EHBP1: variants seen among roughly 807,000 people sequenced by gnomAD.
The protein encoded by EHBP1 is EH domain-binding protein 1.
In EHBP1, 55 loss-of-function variants were observed where a neutral mutation model predicts 144.0. The observed-to-expected ratio is 0.38, with a 90% CI of 0.31 to 0.48. The LOEUF (loss-of-function observed/expected upper bound fraction) is 0.48. Ranked by LOEUF, EHBP1 falls within the 20% of genes least tolerant of loss-of-function variation. The pLI is 0.98. For missense variants in EHBP1, 1,200 were observed against 1,364.2 expected (o/e 0.88, Z 1.90); for synonymous variants, 469 against 472.7 (o/e 0.99, Z 0.10).
At chr2:62,709,517 T>C (rs1031529332) in intron 2 of EHBP1, among the ~76,000 whole-genome samples, 2 of 152,200 alleles carry the variant, frequency 1.3e-5, no homozygotes, top group African/African-American at 4.8e-5. Flanking sequence ...TCCTGGAATT[T>C]TATTTCCCTA....
chr2:62,714,897 T>C (rs1375485986), intron 2 of EHBP1, among the ~76,000 whole-genome samples: 1 of 152,178 alleles, frequency 6.6e-6, no homozygotes, highest in Non-Finnish European at 1.5e-5. Context: ...ACTTTGACTT[T>C]TGGGGAGAGG....
At chr2:62,708,915 C>T (rs1019425819) in intron 2 of EHBP1, among the ~76,000 whole-genome samples, 1 of 151,606 alleles carries the variant, frequency 6.6e-6, no homozygotes, top group Non-Finnish European at 1.5e-5. Flanking sequence ...GGGGGGCATG[C>T]AGTGAGATAT....
At chr2:62,756,710 A>T (rs545394198) in intron 3 of EHBP1, among the ~76,000 whole-genome samples, 76 of 151,024 alleles carry the variant, frequency 5.0e-4, no homozygotes, top group Non-Finnish European at 8.1e-4. Context: ...GGAGGTTGCA[A>T]TGAGCTGAGA....
chr2:62,754,630 TG>T (rs1435805591), intron 3 of EHBP1, among the ~76,000 whole-genome samples: 1 of 152,192 alleles, frequency 6.6e-6, no homozygotes, highest in Non-Finnish European at 1.5e-5. Context: ...TGAGCTGCGG[TG>T]GGCTCCACCC....
At chr2:62,790,139 C>G (rs1302504406) in intron 5 of EHBP1, among the ~76,000 whole-genome samples, 1 of 152,182 alleles carries the variant, frequency 6.6e-6, no homozygotes, top group Admixed American at 6.5e-5. Flanking sequence ...TTTACCCTGA[C>G]ATAATGTCGT....
At chr2:62,962,514 C>T (rs949311167) in intron 14 of EHBP1, among the ~76,000 whole-genome samples, 1 of 152,110 alleles carries the variant, frequency 6.6e-6, no homozygotes, top group Non-Finnish European at 1.5e-5. Context: ...GTTTAGAATT[C>T]ATACACTCTA....
intron 10 of EHBP1, among the ~76,000 whole-genome samples, chr2:62,923,646 A>G (rs1030699320): frequency 6.6e-6 from 1 of 152,106 alleles, no homozygotes; most frequent in African/African-American, 2.4e-5. Context: ...CTACACAGCT[A>G]TGTGCCAGCA....
At chr2:62,754,986 C>A (rs1332932828) in intron 3 of EHBP1, among the ~76,000 whole-genome samples, 1 of 152,148 alleles carries the variant, frequency 6.6e-6, no homozygotes. Flanking sequence ...ATGGGCTGCA[C>A]CCACTGTCCT....
At chr2:62,808,069 A>G (rs919005587) in intron 5 of EHBP1, among the ~76,000 whole-genome samples, 2 of 151,320 alleles carry the variant, frequency 1.3e-5, no homozygotes, top group Admixed American at 6.6e-5. Flanking sequence ...AAAAAAAAAG[A>G]AAGAAAAGTA....
At chr2:63,037,331 G>A (rs1021812752) in intron 19 of EHBP1, among the ~76,000 whole-genome samples, 1 of 151,944 alleles carries the variant, frequency 6.6e-6, no homozygotes, top group African/African-American at 2.4e-5. Flanking sequence ...TGTTCACGGA[G>A]AGTAAAATAT....
intron 5 of EHBP1, among the ~76,000 whole-genome samples, chr2:62,775,330 C>G (rs751690842): frequency 6.6e-6 from 1 of 152,134 alleles, no homozygotes; most frequent in Non-Finnish European, 1.5e-5. Context: ...GTTATACTTT[C>G]CCTTACATTT....
chr2:62,838,896 G>A (rs1481156784), intron 7 of EHBP1, among the ~76,000 whole-genome samples: 9 of 124,168 alleles, frequency 7.2e-5, no homozygotes, highest in South Asian at 3.1e-4. Flanking sequence ...ATTCACAGCC[G>A]AATTCTACCA....
At chr2:62,698,383 G>A (rs535593801) in intron 1 of EHBP1, among the ~76,000 whole-genome samples, 11 of 152,348 alleles carry the variant, frequency 7.2e-5, no homozygotes, top group African/African-American at 2.6e-4. Flanking sequence ...ATGCAAGACA[G>A]TTGTTTCAAG....
At chr2:62,981,960 A>G (rs968539740) in intron 15 of EHBP1, among the ~76,000 whole-genome samples, 1 of 152,054 alleles carries the variant, frequency 6.6e-6, no homozygotes, top group Non-Finnish European at 1.5e-5. Flanking sequence ...CTACATACCA[A>G]ATGGTAGTCT....
chr2:62,820,909 T>C (rs1002192877), intron 5 of EHBP1, among the ~76,000 whole-genome samples: 4 of 151,044 alleles, frequency 2.6e-5, no homozygotes. Flanking sequence ...GGAGGGGACA[T>C]GCAGCTTGTA....
chr2:62,677,510 C>T (rs2151721851), intron 1 of EHBP1, among the ~76,000 whole-genome samples: 1 of 152,188 alleles, frequency 6.6e-6, no homozygotes, highest in South Asian at 2.1e-4. Context: ...CAATTATACT[C>T]TTCTAGTTAT....
intron 10 of EHBP1, among the ~76,000 whole-genome samples, chr2:62,902,926 T>C (rs1218230776): frequency 6.6e-6 from 1 of 152,234 alleles, no homozygotes; most frequent in East Asian, 1.9e-4. Context: ...CTAAATCTTA[T>C]CTTTAGTGTC....
chr2:62,987,758 T>A (rs934613363), intron 15 of EHBP1, among the ~76,000 whole-genome samples: 3 of 152,192 alleles, frequency 2.0e-5, no homozygotes, highest in Non-Finnish European at 4.4e-5. Context: ...AAAATATAAA[T>A]GTTAATCCAA....
At position 62,859,294 on chromosome 2, in the gene EHBP1, A is replaced by C; in HGVS notation, c.757+3A>C. ...ATTTGGAGATCCTGACTCAGAAGGT[A>C]GCAAGTTTTTCTGTAATTTTAAAGT... On this transcript the variant is annotated splice_donor_region_variant and intron_variant, in intron 8 of 22. Coordinates refer to ENST00000431489, the MANE Select transcript of EHBP1 (RefSeq NM_001142616.3). 1 of 1,597,036 alleles carries C rather than the reference A, an allele frequency of 6.3e-7. No homozygotes were observed. The highest frequency in any genetic ancestry group is 8.6e-7 in the Non-Finnish European group (1 of 1,168,982).
Sources: allele counts gnomAD v4.1 joint callset (sites outside exome capture counted in the v4.1 genomes callset), GRCh38; gene constraint gnomAD v4.1.1; transcripts MANE v1.5; gene names NCBI Gene and HGNC (gene_info 2026-07-23, HGNC 2026-07-21).